LARGE1: variants seen among roughly 807,000 people sequenced by gnomAD.
LARGE1 encodes xylosyl- and glucuronyltransferase LARGE1.
In LARGE1, 43 loss-of-function variants were observed where a neutral mutation model predicts 87.6. That is an observed-to-expected ratio of 0.49 (90% CI 0.38 to 0.63). The LOEUF (loss-of-function observed/expected upper bound fraction) is 0.63, where lower values mean the gene tolerates loss of function less well. LARGE1 is among the 30% of genes least tolerant of loss of function. LARGE1 has a pLI of 0.00. For missense variants in LARGE1, 802 were observed against 1,000.2 expected, an observed-to-expected ratio of 0.80 and a Z score of 2.67; for synonymous variants, 434 against 394.6, an observed-to-expected ratio of 1.10 and a Z score of -1.18.
intron 9 of LARGE1, among the ~76,000 whole-genome samples, chr22:33,380,363 T>C (rs1439647411): frequency 6.6e-6 from 1 of 152,202 alleles, no homozygotes; most frequent in Non-Finnish European, 1.5e-5. Context: ...TTCTAATATT[T>C]TGAAATAAAT....
rs539678517 is a variant in LARGE1, at chr22:33,479,590, T to C, written c.788-47325A>G. Among the ~76,000 whole-genome samples, 282 of 152,360 alleles carry C rather than the reference T, an allele frequency of 1.9e-3. 2 individuals are homozygous for C. The highest frequency in any genetic ancestry group is 2.9e-3 in the Non-Finnish European group (196 of 68,040). ...TGAATGACTGAATAAGCCAAGCTACTATTTGGAAAATTAGCAGTAAATAAT... is the reference window on the plus strand; with the variant it reads ...TGAATGACTGAATAAGCCAAGCTACCATTTGGAAAATTAGCAGTAAATAAT... On this transcript the variant is annotated intron_variant, in intron 6 of 14. Transcript: ENST00000397394.
At chr22:33,754,919 T>C (rs1201735899) in intron 2 of LARGE1, among the ~76,000 whole-genome samples, 1 of 152,066 alleles carries the variant, frequency 6.6e-6, no homozygotes, top group Non-Finnish European at 1.5e-5. Context: ...GGCTGAGGGA[T>C]GGGGGAGCAG....
At position 33,467,599 on chromosome 22, in the gene LARGE1, C is replaced by T. The variant is rs139393439; in HGVS notation, c.788-35334G>A. Among the ~76,000 whole-genome samples the T allele has an allele frequency of 5.3e-5, 8 of 152,282 alleles. No individual in the cohort carries two copies. In the East Asian group the frequency reaches 1.2e-3, roughly 22 times the overall value. Reference sequence around the variant, plus strand: ...TCTTCCATCCTTTGGAATAGAGCATCGCCCATAATGAATTCTGAACAGCAT... The same window carrying T: ...TCTTCCATCCTTTGGAATAGAGCATTGCCCATAATGAATTCTGAACAGCAT... On this transcript the variant is annotated intron_variant, in intron 6 of 14. Coordinates refer to ENST00000397394, the MANE Select transcript of LARGE1 (RefSeq NM_133642.5).
chr22:33,759,911 G>A (rs550490087), intron 2 of LARGE1, among the ~76,000 whole-genome samples: 1 of 152,278 alleles, frequency 6.6e-6, no homozygotes, highest in African/African-American at 2.4e-5. Context: ...TTCCAGGGAT[G>A]CACCTAAAGG....
At chr22:33,429,927 G>A (rs1003690509) in intron 7 of LARGE1, among the ~76,000 whole-genome samples, 2 of 152,138 alleles carry the variant, frequency 1.3e-5, no homozygotes, top group African/African-American at 4.8e-5. Flanking sequence ...AGCTTGCTGG[G>A]ACAGGAAACA....
At chr22:33,868,581 T>A (rs1025234760) in intron 1 of LARGE1, among the ~76,000 whole-genome samples, 1 of 152,130 alleles carries the variant, frequency 6.6e-6, no homozygotes, top group African/African-American at 2.4e-5. Context: ...CTCTTGCCCA[T>A]GGCCCTCCCT....
At chr22:33,278,551 T>TCACA (rs933761253) in intron 13 of LARGE1, among the ~76,000 whole-genome samples, 2 of 126,642 alleles carry the variant, frequency 1.6e-5, no homozygotes, top group African/African-American at 8.2e-5. Flanking sequence ...AATCTCTCTC[T>TCACA]CTCACACACA....
At position 33,274,617 on chromosome 22, in the gene LARGE1, T is replaced by C. The variant is rs769769374; in HGVS notation, c.2081A>G (p.Glu694Gly). Residue 694 changes from glutamate (E) to glycine (G), a missense_variant, in exon 15 of 15, where the codon GAG becomes GGG. Transcript: ENST00000397394. ...HIMELDVQEY[E>G]FIVLPNAYMI... The stretch of plus-strand genomic sequence containing the variant: ...GTAGGCGTTGGGCAGCACAATGAAC[T>C]CATACTCCTGGAAGAAGACAAGAGC... 1 of 1,614,022 alleles carries C rather than the reference T, an allele frequency of 6.2e-7. No homozygotes were observed. The highest frequency in any genetic ancestry group is 8.5e-7 in the Non-Finnish European group (1 of 1,179,964).
At chr22:33,212,580 A>T (rs1029846211) in intron 11 of LARGE1, among the ~76,000 whole-genome samples, 5 of 152,212 alleles carry the variant, frequency 3.3e-5, no homozygotes, top group Non-Finnish European at 7.3e-5. Context: ...ATGAATCAAG[A>T]AGTACATTTA....
chr22:33,460,954 T>A (rs1301996967), intron 6 of LARGE1, among the ~76,000 whole-genome samples: 1 of 152,184 alleles, frequency 6.6e-6, no homozygotes, highest in Non-Finnish European at 1.5e-5. Context: ...AAGCCAACCA[T>A]CTTGTAGCCT....
At position 33,592,811 on chromosome 22, in the gene LARGE1, T is replaced by C. The variant is rs372898541; in HGVS notation, c.615+11624A>G. Among the ~76,000 whole-genome samples, 20 of 151,808 alleles carry C rather than the reference T, an allele frequency of 1.3e-4. No individual in the cohort carries two copies. In the East Asian group the frequency reaches 3.7e-3, roughly 28 times the overall value. On this transcript the variant is annotated intron_variant, in intron 5 of 14. Coordinates refer to ENST00000397394, the MANE Select transcript of LARGE1 (RefSeq NM_133642.5). ...AAGAACAATACACTTGTGTATATTT[T>C]CTTTTTTTTTCTGTTTTTGTTTGTT... is the stretch of plus-strand genomic sequence containing the variant.
intron 1 of LARGE1, among the ~76,000 whole-genome samples, chr22:33,903,726 G>A (rs12158987): frequency 0.013 from 1,920 of 152,240 alleles, 62 homozygotes; most frequent in African/African-American, 0.044. Context: ...TTGGGAGGCT[G>A]AGGCAGGAGA....
intron 6 of LARGE1, among the ~76,000 whole-genome samples, chr22:33,479,648 A>G (rs1304855799): frequency 6.6e-6 from 1 of 152,092 alleles, no homozygotes; most frequent in Non-Finnish European, 1.5e-5. Context: ...TTGCTCTGAG[A>G]TTACTTCCTG....
chr22:33,349,405 G>A (rs1021344645), intron 9 of LARGE1, among the ~76,000 whole-genome samples: 1 of 152,174 alleles, frequency 6.6e-6, no homozygotes, highest in Non-Finnish European at 1.5e-5. Flanking sequence ...CTTGTGATGT[G>A]AATCAAGTCT....
rs1186663464 is a variant in LARGE1, at chr22:33,878,129, C to CTTTTTTTTTTTTTTT, written c.-83+41851_-83+41865dup. ...TATGTATGTTGTTTATATTGTATTT[C>CTTTTTTTTTTTTTTT]TTTTTTTTTTTTTTTTTTTTTTTTT... On this transcript the variant is annotated intron_variant, in intron 1 of 14. Coordinates refer to ENST00000397394, the MANE Select transcript of LARGE1 (RefSeq NM_133642.5). Among the ~76,000 whole-genome samples the CTTTTTTTTTTTTTTT allele has an allele frequency of 6.2e-3, 276 of 44,654 alleles. 67 individuals are homozygous for CTTTTTTTTTTTTTTT. Among genetic ancestry groups the CTTTTTTTTTTTTTTT allele is most frequent in the East Asian group, 0.021 (20 of 968 alleles). 29.3% of individuals were successfully genotyped at this position (44,654 alleles called of 152,430 possible). A position where few individuals can be genotyped will look rare whatever the true frequency, so the allele number is the denominator to read the frequency against.
chr22:33,551,369 T>C (rs2148698261), intron 6 of LARGE1, among the ~76,000 whole-genome samples: 1 of 152,342 alleles, frequency 6.6e-6, no homozygotes, highest in South Asian at 2.1e-4. Flanking sequence ...GTAATTCCAG[T>C]ACTTCAGCTA....
intron 11 of LARGE1, among the ~76,000 whole-genome samples, chr22:33,257,457 A>G (rs1927367399): frequency 6.7e-6 from 1 of 148,730 alleles, no homozygotes. Flanking sequence ...AAAAACAAAA[A>G]CAAAAAAACA....
chr22:33,677,897 C>G (rs1206530458), intron 2 of LARGE1, among the ~76,000 whole-genome samples: 1 of 152,182 alleles, frequency 6.6e-6, no homozygotes, highest in African/African-American at 2.4e-5. Flanking sequence ...GAACGCGGTC[C>G]TCCAGTACCA....
chr22:33,140,110 A>G, the LARGE1 span, among the ~76,000 whole-genome samples: 1 of 152,114 alleles, frequency 6.6e-6, no homozygotes, highest in African/African-American at 2.4e-5. Context: ...GCTTCCTATG[A>G]GTAAGGGCTT....
Sources: allele counts gnomAD v4.1 joint callset (sites outside exome capture counted in the v4.1 genomes callset), GRCh38; gene constraint gnomAD v4.1.1; transcripts MANE v1.5; gene names NCBI Gene and HGNC (gene_info 2026-07-23, HGNC 2026-07-21).